Variants in USP8 observed in about 807,000 individuals in gnomAD.
USP8 encodes the protein ubiquitin carboxyl-terminal hydrolase 8.
A neutral mutation model predicts 130.0 loss-of-function variants in USP8; 27 were observed. That is an observed-to-expected ratio of 0.21 (90% CI 0.15 to 0.29). USP8 has a LOEUF of 0.29. Ranked by LOEUF, USP8 falls within the 10% of genes least tolerant of loss-of-function variation. The pLI, the probability that USP8 is intolerant of heterozygous loss-of-function variation, is 1.00. For missense variants in USP8, 1,029 were observed against 1,312.2 expected, an observed-to-expected ratio of 0.78 and a Z score of 3.33; for synonymous variants, 392 against 444.1, an observed-to-expected ratio of 0.88 and a Z score of 1.48.
chr15:50,500,588 CA>C lies in USP8; in HGVS notation c.*1504del. 1.8e-6 allele frequency: 1 copy of C among 555,948 alleles called. No individual in the cohort carries two copies. The highest frequency in any genetic ancestry group is 3.2e-6 in the Non-Finnish European group (1 of 311,766). The allele number at this position is 555,948 out of a possible 1,614,324, so 34.4% of individuals were successfully genotyped here. A position where few individuals can be genotyped will look rare whatever the true frequency, so the allele number is the denominator to read the frequency against. On this transcript the variant is annotated 3_prime_UTR_variant, in exon 20 of 20. Transcript: ENST00000307179. The stretch of plus-strand genomic sequence containing the variant: ...AAGTTCTAAGAGTTTAATGACCAAG[CA>C]AAACTCTACCACCAGATGCTGACTG...
Position 50,513,263 on chromosome 15 carries a change from T to C in USP8, c.*14175T>C, listed in dbSNP as rs576135126. ...TATATATGCAGGAATGTCTGCATAA[T>C]GTTGTTCATGCCAGCAAAAATTTGG... On this transcript the variant is annotated 3_prime_UTR_variant, in exon 20 of 20. Transcript: ENST00000307179. The C allele has an allele frequency of 6.6e-6, 1 of 152,282 alleles. No homozygotes were observed. The highest frequency in any genetic ancestry group is 2.1e-4 in the South Asian group (1 of 4,826). The allele number at this position is 152,282 out of a possible 1,614,324, so 9.4% of individuals were successfully genotyped here.
At chr15:50,465,720 A>G (rs570412243) in intron 7 of USP8, among the ~76,000 whole-genome samples, 204 of 152,316 alleles carry the variant, frequency 1.3e-3, no homozygotes, top group Middle Eastern at 6.8e-3. Context: ...ACATACTGAA[A>G]TTCCCTATAT....
chr15:50,501,730 A>G lies in USP8; in HGVS notation c.*2642A>G, dbSNP rs1024812453. ...AAGGCATTAGAGAGGTGTACTTCCAAGGAGGTGTTATGGTGTATGATAAGG... is the reference window on the plus strand; with the variant it reads ...AAGGCATTAGAGAGGTGTACTTCCAGGGAGGTGTTATGGTGTATGATAAGG... On this transcript the variant is annotated 3_prime_UTR_variant, in exon 20 of 20. Coordinates refer to ENST00000307179, the MANE Select transcript of USP8 (RefSeq NM_005154.5). 36 of 152,070 alleles carry G rather than the reference A, an allele frequency of 2.4e-4. 1 individual carries two copies. The highest frequency in any genetic ancestry group is 1.5e-5 in the Non-Finnish European group (1 of 68,014). 9.4% of individuals were successfully genotyped at this position (152,070 alleles called of 1,614,324 possible).
In USP8 at chr15:50,510,780, T is replaced by C. The variant is rs1440010309; in HGVS notation, c.*11692T>C. 6.6e-6 allele frequency: 1 copy of C among 151,790 alleles called. No homozygotes were observed. The highest frequency in any genetic ancestry group is 1.5e-5 in the Non-Finnish European group (1 of 67,842). 9.4% of individuals were successfully genotyped at this position (151,790 alleles called of 1,614,324 possible). A position where few individuals can be genotyped will look rare whatever the true frequency, so the allele number is the denominator to read the frequency against. On this transcript the variant is annotated 3_prime_UTR_variant, in exon 20 of 20. Transcript: ENST00000307179. ...CCAATGTACACCAATGTTTTGTTTT[T>C]TGGTTTTTTTTTTAGAGATGGAGTC...
chr15:50,488,356 T>C (rs2052033427), intron 12 of USP8, among the ~76,000 whole-genome samples: 1 of 152,084 alleles, frequency 6.6e-6, no homozygotes, highest in African/African-American at 2.4e-5. Flanking sequence ...TGACAGAATT[T>C]TTTTCCAGCA....
chr15:50,468,835 G>A lies in USP8; in HGVS notation c.687-2798G>A, dbSNP rs1327909058. Among the ~76,000 whole-genome samples the A allele has an allele frequency of 2.0e-5, 3 of 151,940 alleles. No individual in the cohort carries two copies. The East Asian group carries it at 5.8e-4, about 29-fold the overall frequency. ...ATATACCGAAGTACTCCTGTCTTAAGTGTCTAGCCCAATGAATTTTCATTA... is the reference window on the plus strand; with the variant it reads ...ATATACCGAAGTACTCCTGTCTTAAATGTCTAGCCCAATGAATTTTCATTA... On this transcript the variant is annotated intron_variant, in intron 7 of 19. Coordinates refer to ENST00000307179, the MANE Select transcript of USP8 (RefSeq NM_005154.5).
chr15:50,455,056 A>G (rs1054450148), intron 4 of USP8, among the ~76,000 whole-genome samples: 1 of 143,388 alleles, frequency 7.0e-6, no homozygotes, highest in Non-Finnish European at 1.6e-5. Flanking sequence ...AATTTTTTTC[A>G]GTTATATGTT....
intron 3 of USP8, among the ~76,000 whole-genome samples, chr15:50,447,509 G>C (rs1319172105): frequency 2.0e-5 from 3 of 152,086 alleles, no homozygotes; most frequent in African/African-American, 7.2e-5. Flanking sequence ...CCAATGTGCT[G>C]GGATTACATG....
chr15:50,482,049 A>G lies in USP8; in HGVS notation c.1787A>G (p.Asp596Gly). ...GTGCCCCATACATCTGTGACAGGGG[A>G]TTCAGGTTCAGGCAAGGTAAGCAGA... ...GDVPHTSVTGDSGSGKPFKIK... is the reference protein window; with the variant it reads ...GDVPHTSVTGGSGSGKPFKIK... The change falls in exon 11 of 20, where the codon GAT becomes GGT. Residue 596 changes from aspartate to glycine, a missense_variant. Coordinates refer to ENST00000307179, the MANE Select transcript of USP8 (RefSeq NM_005154.5). The G allele has an allele frequency of 2.0e-6, 3 of 1,506,694 alleles. No homozygotes were observed. The highest frequency in any genetic ancestry group is 2.6e-6 in the Non-Finnish European group (3 of 1,133,550). The allele number at this position is 1,506,694 out of a possible 1,614,324, so 93.3% of individuals were successfully genotyped here. A position where few individuals can be genotyped will look rare whatever the true frequency, so the allele number is the denominator to read the frequency against.
At chr15:50,480,260 C>G (rs190913064) in intron 10 of USP8, among the ~76,000 whole-genome samples, 280 of 152,242 alleles carry the variant, frequency 1.8e-3, no homozygotes, top group African/African-American at 6.4e-3. Flanking sequence ...AAATCAGGAA[C>G]TTAGGTAGTT....
chr15:50,435,905 C>G (rs1448726696), intron 1 of USP8, among the ~76,000 whole-genome samples: 1 of 152,158 alleles, frequency 6.6e-6, no homozygotes, highest in Non-Finnish European at 1.5e-5. Flanking sequence ...CTCCTTGTGT[C>G]TAATCATTTG....
chr15:50,504,569 G>A lies in USP8; in HGVS notation c.*5481G>A, dbSNP rs1243118379. 1 of 152,028 alleles carries A rather than the reference G, an allele frequency of 6.6e-6. No homozygotes were observed. The highest frequency in any genetic ancestry group is 1.5e-5 in the Non-Finnish European group (1 of 68,044). 9.4% of individuals were successfully genotyped at this position (152,028 alleles called of 1,614,324 possible). ...CCAGAAAAGACACCATTTTATATAG[G>A]GCCCTTGAGCATCTGTGGATTTTGA... On this transcript the variant is annotated 3_prime_UTR_variant, in exon 20 of 20. Coordinates refer to ENST00000307179, the MANE Select transcript of USP8 (RefSeq NM_005154.5).
chr15:50,514,166 G>C lies in USP8; in HGVS notation c.*15078G>C, dbSNP rs1484925025. The C allele has an allele frequency of 2.0e-5, 3 of 152,134 alleles. No homozygotes were observed. Among genetic ancestry groups the C allele is most frequent in the African/African-American group, 7.2e-5 (3 of 41,422 alleles). 9.4% of individuals were successfully genotyped at this position (152,134 alleles called of 1,614,324 possible). A position where few individuals can be genotyped will look rare whatever the true frequency, so the allele number is the denominator to read the frequency against. Reference sequence around the variant, plus strand: ...TGAAAGGAGCCAGACACAAAAAAAGGATATACTGTACAATTCCATTTATAC... The same window carrying C: ...TGAAAGGAGCCAGACACAAAAAAAGCATATACTGTACAATTCCATTTATAC... On this transcript the variant is annotated 3_prime_UTR_variant, in exon 20 of 20. Coordinates refer to ENST00000307179, the MANE Select transcript of USP8 (RefSeq NM_005154.5).
intron 12 of USP8, among the ~76,000 whole-genome samples, chr15:50,486,973 AAGT>A: frequency 1.3e-5 from 2 of 152,116 alleles, no homozygotes; most frequent in East Asian, 1.9e-4. Flanking sequence ...TCTCAACAAA[AAGT>A]AGCCGGGTGT....
chr15:50,495,741 C>T, intron 16 of USP8, 107 bp from the exon 17 acceptor site: 1 of 866,468 alleles, frequency 1.2e-6, no homozygotes, highest in Admixed American at 2.7e-5. Flanking sequence ...TTTATGAGAA[C>T]TACAGGTGTT....
chr15:50,434,001 C>T (rs960860274), intron 1 of USP8, among the ~76,000 whole-genome samples: 4 of 151,948 alleles, frequency 2.6e-5, no homozygotes, highest in African/African-American at 9.7e-5. Flanking sequence ...CAGGTTTACA[C>T]ATCTTAAGAA....
intron 3 of USP8, 95 bp downstream of exon 3, chr15:50,441,588 G>A: frequency 9.3e-7 from 1 of 1,071,298 alleles, no homozygotes; most frequent in Non-Finnish European, 1.3e-6. Context: ...ATGAAATGTA[G>A]CTCAAATTAT....
chr15:50,450,359 A>G (rs1595920171), intron 4 of USP8, among the ~76,000 whole-genome samples: 2 of 151,032 alleles, frequency 1.3e-5, no homozygotes, highest in Admixed American at 6.6e-5. Context: ...TTAAATTTGG[A>G]AAAAAAAACT....
At chr15:50,427,552 G>C (rs920820940) in intron 1 of USP8, among the ~76,000 whole-genome samples, 2 of 144,776 alleles carry the variant, frequency 1.4e-5, no homozygotes, top group Non-Finnish European at 3.0e-5. Flanking sequence ...ATTTATAGCC[G>C]TACTAATTTT....
Sources: allele counts gnomAD v4.1 joint callset (sites outside exome capture counted in the v4.1 genomes callset), GRCh38; gene constraint gnomAD v4.1.1; transcripts MANE v1.5; gene names NCBI Gene and HGNC (gene_info 2026-07-23, HGNC 2026-07-21).